The following THSD7A variants were observed in gnomAD, a reference collection of about 807,000 sequenced individuals.
THSD7A encodes the protein thrombospondin type-1 domain-containing protein 7A.
A neutral mutation model predicts 231.3 loss-of-function variants in THSD7A; 96 were observed. The ratio of observed to expected loss-of-function variants is 0.41; its 90% CI spans 0.35 to 0.49. THSD7A has a LOEUF of 0.49. THSD7A is among the 20% of genes least tolerant of loss of function. The pLI, the probability that THSD7A is intolerant of heterozygous loss-of-function variation, is 0.05. For synonymous variants in THSD7A, 940 were observed against 743.3 expected, an observed-to-expected ratio of 1.26 and a Z score of -4.30; for missense variants, 2,290 against 2,070.2, an observed-to-expected ratio of 1.11 and a Z score of -2.06.
chr7:11,626,964 C>G lies in THSD7A; in HGVS notation c.1022+9166G>C, dbSNP rs1053987255. 1.3e-5 allele frequency among the ~76,000 whole-genome samples: 2 copies of G among 151,986 alleles called. 1 individual carries two copies. The highest frequency in any genetic ancestry group is 4.8e-5 in the African/African-American group (2 of 41,482). On this transcript the variant is annotated intron_variant, in intron 2 of 27. Coordinates refer to ENST00000423059, the MANE Select transcript of THSD7A (RefSeq NM_015204.3). ...TGTTCTGGTTATTTTTTGTCATGAC[C>G]TTAGAAGGTTCCATTTTCTCATTGG...
At chr7:11,414,271 T>G (rs745879945) in intron 17 of THSD7A, among the ~76,000 whole-genome samples, 5 of 152,188 alleles carry the variant, frequency 3.3e-5, no homozygotes, top group Non-Finnish European at 7.3e-5. Flanking sequence ...TGACCTCTGT[T>G]TCACCTTTTG....
At chr7:11,730,835 G>T (rs1658377464) in intron 1 of THSD7A, among the ~76,000 whole-genome samples, 1 of 151,456 alleles carries the variant, frequency 6.6e-6, no homozygotes, top group South Asian at 2.1e-4. Context: ...TTGTTCCTCA[G>T]ATTTATCTTG....
intron 13 of THSD7A, among the ~76,000 whole-genome samples, chr7:11,432,600 C>T (rs78352460): frequency 3.2e-4 from 48 of 152,186 alleles, no homozygotes; most frequent in African/African-American, 9.9e-4. Context: ...TTTCACTCTA[C>T]ATTGTGATAT....
At position 11,814,487 on chromosome 7, in the gene THSD7A, G is replaced by A. The variant is rs1316414641; in HGVS notation, c.190+17270C>T. Among the ~76,000 whole-genome samples the A allele has an allele frequency of 6.6e-6, 1 of 152,134 alleles. No homozygotes were observed. Among genetic ancestry groups the A allele is most frequent in the Non-Finnish European group, 1.5e-5 (1 of 68,004 alleles). On this transcript the variant is annotated intron_variant, in intron 1 of 27. Coordinates refer to ENST00000423059, the MANE Select transcript of THSD7A (RefSeq NM_015204.3). This position sits in a 1 kb window ranked among gnomAD's most constrained non-coding sequence, Gnocchi z 5.1. ...GGTAGAAAATTACCTCAAGAAGAAT[G>A]ATCTTGAAAGCTCTGAAAACTTTCA...
chr7:11,820,694 G>T, intron 1 of THSD7A: 1 of 903,184 alleles, frequency 1.1e-6, no homozygotes, highest in Non-Finnish European at 1.9e-6. Flanking sequence ...CAGTCTCGAT[G>T]TCTCAAAGCC....
chr7:11,555,057 T>C (rs62434468), intron 4 of THSD7A, among the ~76,000 whole-genome samples: 2,515 of 152,028 alleles, frequency 0.017, 34 homozygotes, highest in South Asian at 0.024. Flanking sequence ...GTTTGTTTTA[T>C]TGGTTTTTCT....
chr7:11,541,759 T>A, intron 5 of THSD7A, 128 bp from the exon 6 acceptor site: 1 of 798,406 alleles, frequency 1.3e-6, no homozygotes, highest in Non-Finnish European at 2.0e-6. Context: ...TTTGAGTCAC[T>A]GGTGTATCCC....
chr7:11,730,113 C>T (rs1240120720), intron 1 of THSD7A, among the ~76,000 whole-genome samples: 1 of 151,576 alleles, frequency 6.6e-6, no homozygotes, highest in Non-Finnish European at 1.5e-5. Context: ...TTAGATTTAC[C>T]TGTTTTGTTG....
At position 11,374,499 on chromosome 7, in the gene THSD7A, A is replaced by G. The variant is rs1052473841; in HGVS notation, c.*1295T>C. The G allele has an allele frequency of 2.0e-5, 3 of 152,116 alleles. No homozygotes were observed. The highest frequency in any genetic ancestry group is 2.9e-5 in the Non-Finnish European group (2 of 67,996). The allele number at this position is 152,116 out of a possible 1,614,324, so 9.4% of individuals were successfully genotyped here. ...CCTGCAAGACAGACATTCAATCTGA[A>G]ACTGGGAAATCAGAGAGAAAGAAAA... On this transcript the variant is annotated 3_prime_UTR_variant, in exon 28 of 28. Coordinates refer to ENST00000423059, the MANE Select transcript of THSD7A (RefSeq NM_015204.3).
intron 4 of THSD7A, among the ~76,000 whole-genome samples, chr7:11,543,841 C>T (rs1789256562): frequency 6.6e-6 from 1 of 151,836 alleles, no homozygotes; most frequent in Non-Finnish European, 1.5e-5. Flanking sequence ...TGCAGTTTGG[C>T]TCTTTTGTAT....
At chr7:11,432,234 G>A (rs1226908923) in intron 13 of THSD7A, among the ~76,000 whole-genome samples, 1 of 151,434 alleles carries the variant, frequency 6.6e-6, no homozygotes, top group Non-Finnish European at 1.5e-5. Context: ...GATTGTGTAG[G>A]TCTTAAGTTA....
chr7:11,794,959 ATAAATAC>A (rs1216862008), intron 1 of THSD7A, among the ~76,000 whole-genome samples: 4 of 152,082 alleles, frequency 2.6e-5, no homozygotes, highest in Non-Finnish European at 4.4e-5. Context: ...TATATACTTT[ATAAATAC>A]TATCATTGGC....
chr7:11,695,491 T>C (rs1780361753), intron 1 of THSD7A, among the ~76,000 whole-genome samples: 1 of 151,524 alleles, frequency 6.6e-6, no homozygotes, highest in South Asian at 2.1e-4. Context: ...GTCAGTTTTA[T>C]GCAATAAGGT....
chr7:11,830,365 A>G (rs1275351406), intron 1 of THSD7A, among the ~76,000 whole-genome samples: 1 of 152,258 alleles, frequency 6.6e-6, no homozygotes, highest in Non-Finnish European at 1.5e-5. Flanking sequence ...ATATGATACC[A>G]TTTAATGGTA....
intron 1 of THSD7A, among the ~76,000 whole-genome samples, chr7:11,706,251 T>C (rs1584240035): frequency 6.6e-6 from 1 of 150,916 alleles, no homozygotes; most frequent in African/African-American, 2.4e-5. Context: ...CACATGTGTA[T>C]TGTCCCATGT....
chr7:11,480,708 CA>C (rs1350758656), intron 7 of THSD7A, among the ~76,000 whole-genome samples: 2 of 151,988 alleles, frequency 1.3e-5, no homozygotes, highest in Admixed American at 6.6e-5. Flanking sequence ...CACTCATGTG[CA>C]AAGGCCAAGG....
At chr7:11,815,018 T>C (rs1186662549) in intron 1 of THSD7A, among the ~76,000 whole-genome samples, 2 of 152,126 alleles carry the variant, frequency 1.3e-5, no homozygotes, top group Non-Finnish European at 2.9e-5. Context: ...GGAAACATGG[T>C]TGCTCAGACA....
At chr7:11,686,646 C>T (rs549406491) in intron 1 of THSD7A, among the ~76,000 whole-genome samples, 15 of 151,990 alleles carry the variant, frequency 9.9e-5, no homozygotes, top group African/African-American at 3.6e-4. Context: ...TGGCATACTA[C>T]ACAGTCATAA....
intron 13 of THSD7A, among the ~76,000 whole-genome samples, chr7:11,445,519 ATG>A (rs10691034): frequency 0.16 from 24,517 of 148,950 alleles, 2,616 homozygotes; most frequent in African/African-American, 0.31. Context: ...CGTTTGTTTT[ATG>A]TGTGTGTGTG....
Sources: gnomAD v4.1 joint callset for allele counts (sites outside exome capture counted in the v4.1 genomes callset) on GRCh38, gnomAD v4.1.1 for gene constraint, Gnocchi (gnomAD v3.1) non-coding constraint, MANE v1.5 for transcripts, NCBI Gene and HGNC (gene_info 2026-07-23, HGNC 2026-07-21) for gene names.